DNAJC1: variants seen among roughly 807,000 people sequenced by gnomAD.
DNAJC1 encodes dnaJ homolog subfamily C member 1.
A neutral mutation model predicts 76.6 loss-of-function variants in DNAJC1; 58 were observed. That is an observed-to-expected ratio of 0.76 (90% CI 0.61 to 0.94). The LOEUF (loss-of-function observed/expected upper bound fraction) is 0.94, where lower values mean the gene tolerates loss of function less well. Ranked by LOEUF, DNAJC1 falls within the 40% of genes least tolerant of loss-of-function variation. The probability of loss-of-function intolerance (pLI) is 0.00; values close to 1 mark genes in which losing one functional copy is unlikely to be tolerated. For missense variants in DNAJC1, 689 were observed against 677.3 expected (o/e 1.02, Z -0.19); for synonymous variants, 258 against 267.9 (o/e 0.96, Z 0.36).
intron 1 of DNAJC1, among the ~76,000 whole-genome samples, chr10:21,999,196 C>T (rs79454357): frequency 5.3e-5 from 8 of 152,162 alleles, no homozygotes; most frequent in Non-Finnish European, 1.2e-4. Context: ...CCAATCTACC[C>T]AGACTACTGA....
In DNAJC1 at chr10:21,837,982, G is replaced by A. The variant is rs1298130512; in HGVS notation, c.979-31883C>T. Among the ~76,000 whole-genome samples the A allele has an allele frequency of 8.8e-5, 11 of 125,316 alleles. 1 individual carries two copies. The highest frequency in any genetic ancestry group is 2.3e-4 in the Admixed American group (3 of 12,946). 82.2% of individuals were successfully genotyped at this position (125,316 alleles called of 152,430 possible). A position where few individuals can be genotyped will look rare whatever the true frequency, so the allele number is the denominator to read the frequency against. On this transcript the variant is annotated intron_variant, in intron 8 of 11. Transcript: ENST00000376980. Reference sequence around the variant, plus strand: ...GGGAGGTGGGGGGCAGTCCCCGCCCGGCCAGCCGCCCCGGCTGGGAGGTGG... The same window carrying A: ...GGGAGGTGGGGGGCAGTCCCCGCCCAGCCAGCCGCCCCGGCTGGGAGGTGG...
chr10:21,922,614 T>G (rs762607329), intron 3 of DNAJC1, among the ~76,000 whole-genome samples: 1 of 152,012 alleles, frequency 6.6e-6, no homozygotes, highest in Non-Finnish European at 1.5e-5. Context: ...CTATCATTCA[T>G]GTTATCAAAA....
chr10:21,801,167 C>T (rs555529925), intron 9 of DNAJC1, among the ~76,000 whole-genome samples: 5 of 152,032 alleles, frequency 3.3e-5, no homozygotes, highest in South Asian at 4.2e-4. Context: ...TAAAATACTA[C>T]AAAAATGAAT....
At chr10:21,844,291 A>G (rs996695030) in intron 8 of DNAJC1, among the ~76,000 whole-genome samples, 1 of 150,850 alleles carries the variant, frequency 6.6e-6, no homozygotes, top group Non-Finnish European at 1.5e-5. Context: ...TATTTTTAGT[A>G]CAGGTTGGGT....
At chr10:21,984,980 T>C (rs1464063401) in intron 1 of DNAJC1, among the ~76,000 whole-genome samples, 2 of 152,206 alleles carry the variant, frequency 1.3e-5, no homozygotes, top group Non-Finnish European at 2.9e-5. Context: ...ATTTAAGTTC[T>C]TTTACAGACT....
At chr10:21,896,539 C>T (rs755198899) in intron 7 of DNAJC1, among the ~76,000 whole-genome samples, 16 of 152,258 alleles carry the variant, frequency 1.1e-4, no homozygotes, top group Non-Finnish European at 2.2e-4. Flanking sequence ...TTTGATTTCA[C>T]AGGTTCACAG....
At chr10:21,853,787 CAAAAAAAAAAAAAAAA>C (rs1011936425) in intron 8 of DNAJC1, among the ~76,000 whole-genome samples, 2 of 12,580 alleles carry the variant, frequency 1.6e-4, no homozygotes, top group South Asian at 3.8e-3. Context: ...GACTCCATCT[CAAAAAAAAAAAAAAAA>C]AAAAAAAAAA....
chr10:21,877,966 G>A (rs1836214025), intron 8 of DNAJC1, among the ~76,000 whole-genome samples: 1 of 152,064 alleles, frequency 6.6e-6, no homozygotes, highest in African/African-American at 2.4e-5. Context: ...AAATCTTAAG[G>A]AAAATACCTT....
chr10:21,918,707 C>T, intron 6 of DNAJC1, 72 bp downstream of exon 6: 1 of 1,145,612 alleles, frequency 8.7e-7, no homozygotes, highest in Non-Finnish European at 1.3e-6. Context: ...AGAGAGCCGA[C>T]ATGGGCATAA....
intron 1 of DNAJC1, among the ~76,000 whole-genome samples, chr10:21,970,587 T>C (rs1837961298): frequency 2.0e-5 from 3 of 151,972 alleles, no homozygotes; most frequent in African/African-American, 7.2e-5. Flanking sequence ...ATGAATGTTT[T>C]CCTTTGTAGA....
chr10:21,931,590 G>A (rs570951272), intron 1 of DNAJC1, among the ~76,000 whole-genome samples: 1 of 152,296 alleles, frequency 6.6e-6, no homozygotes, highest in South Asian at 2.1e-4. Flanking sequence ...ACTTCCCAAT[G>A]AGACAGTTTT....
chr10:21,935,309 A>G (rs531812787), intron 1 of DNAJC1, among the ~76,000 whole-genome samples: 37 of 152,164 alleles, frequency 2.4e-4, no homozygotes, highest in Non-Finnish European at 5.0e-4. Flanking sequence ...AACAAAACAG[A>G]AATTCTGGAC....
intron 1 of DNAJC1, among the ~76,000 whole-genome samples, chr10:21,966,171 T>C (rs1191530666): frequency 1.3e-5 from 2 of 152,212 alleles, no homozygotes; most frequent in Non-Finnish European, 2.9e-5. Flanking sequence ...ATGTAAGTTA[T>C]ATTGTACCCA....
chr10:21,950,567 T>C (rs1415323648), intron 1 of DNAJC1, among the ~76,000 whole-genome samples: 1 of 152,104 alleles, frequency 6.6e-6, no homozygotes, highest in African/African-American at 2.4e-5. Context: ...TCTCACACTT[T>C]AAGTCAAAAG....
chr10:21,756,603 T>G lies in DNAJC1; in HGVS notation c.*84A>C. The stretch of plus-strand genomic sequence containing the variant: ...ACTAAGGCACATGACGTAGAAATAT[T>G]GAGGTACAAAATGCAAATTTCTGCA... On this transcript the variant is annotated 3_prime_UTR_variant, in exon 12 of 12. Transcript: ENST00000376980. 1 of 924,322 alleles carries G rather than the reference T, an allele frequency of 1.1e-6. No individual in the cohort carries two copies. Among genetic ancestry groups the G allele is most frequent in the Non-Finnish European group, 1.8e-6 (1 of 565,268 alleles). The allele number at this position is 924,322 out of a possible 1,614,324, so 57.3% of individuals were successfully genotyped here.
intron 1 of DNAJC1, among the ~76,000 whole-genome samples, chr10:21,981,850 T>A (rs1422791153): frequency 6.6e-6 from 1 of 152,168 alleles, no homozygotes; most frequent in Non-Finnish European, 1.5e-5. Context: ...TCTCCTCCTT[T>A]GCATCGTCCA....
At chr10:21,864,512 C>T (rs1835964681) in intron 8 of DNAJC1, among the ~76,000 whole-genome samples, 1 of 151,970 alleles carries the variant, frequency 6.6e-6, no homozygotes, top group South Asian at 2.1e-4. Context: ...GTCCCAGCTA[C>T]TCGGCAGGCT....
chr10:21,974,919 G>C (rs973694641), intron 1 of DNAJC1, among the ~76,000 whole-genome samples: 1 of 151,564 alleles, frequency 6.6e-6, no homozygotes, highest in Non-Finnish European at 1.5e-5. Context: ...ATACAATGCA[G>C]GGTGAAAAAA....
chr10:21,906,123 T>C (rs1441694601), intron 6 of DNAJC1, among the ~76,000 whole-genome samples: 1 of 152,134 alleles, frequency 6.6e-6, no homozygotes, highest in Non-Finnish European at 1.5e-5. Flanking sequence ...ATCAATACAA[T>C]ACAGATGTAT....
Sources: gnomAD v4.1 joint callset for allele counts (sites outside exome capture counted in the v4.1 genomes callset) on GRCh38, gnomAD v4.1.1 for gene constraint, MANE v1.5 for transcripts, NCBI Gene and HGNC (gene_info 2026-07-23, HGNC 2026-07-21) for gene names.